ABHD2: variants seen among roughly 807,000 people sequenced by gnomAD.
ABHD2 encodes abhydrolase domain containing 2, acylglycerol lipase.
Under a neutral mutation model 48.1 loss-of-function variants are expected in ABHD2, and 20 were observed. That is an observed-to-expected ratio of 0.42 (90% CI 0.29 to 0.60). ABHD2 has a LOEUF of 0.60. Ranked by LOEUF, ABHD2 falls within the 20% of genes least tolerant of loss-of-function variation. ABHD2 has a pLI of 0.24. For synonymous variants in ABHD2, 209 were observed against 214.2 expected (o/e 0.98, Z 0.21); for missense variants, 405 against 550.9 (o/e 0.74, Z 2.65).
At chr15:89,128,828 A>G (rs2050175904) in intron 3 of ABHD2, among the ~76,000 whole-genome samples, 2 of 152,034 alleles carry the variant, frequency 1.3e-5, no homozygotes, top group Admixed American at 1.3e-4. Flanking sequence ...AGGAGTCTCT[A>G]ATTCCCAGAG....
Position 89,155,564 on chromosome 15 carries a change from T to C in ABHD2, c.538+30T>C, listed in dbSNP as rs1321864127. ...GCATGGCTAAGTGGAGTCCTCCCTT[T>C]TTCTGCAAGTGTGCTACTACTTCTG... On this transcript the variant is annotated intron_variant, in intron 5 of 10. Transcript: ENST00000352732. This position sits in a 1 kb window ranked among gnomAD's most constrained non-coding sequence, Gnocchi z 4.9. The C allele has an allele frequency of 4.4e-6, 7 of 1,592,314 alleles. No homozygotes were observed. Among genetic ancestry groups the C allele is most frequent in the Non-Finnish European group, 6.0e-6 (7 of 1,164,956 alleles).
rs887149056 is a variant in ABHD2 at position 89,175,876 on chromosome 15, G to A, written c.603G>A (p.Leu201=). ...YIKKTYPLTQ[L]VVVGFSLGGN... ...AGAAGACATATCCCCTGACCCAGCT[G>A]GTCGTCGTGGGCTTCAGCCTGGGTG... Residue 201 remains leucine, a synonymous_variant, in exon 6 of 11, where the codon CTG becomes CTA. Transcript: ENST00000352732. The surrounding 1 kb of genome is among the most constrained non-coding windows in gnomAD (Gnocchi z 5.7). The A allele has an allele frequency of 1.2e-6, 2 of 1,613,950 alleles. No homozygotes were observed. The highest frequency in any genetic ancestry group is 1.7e-6 in the Non-Finnish European group (2 of 1,180,014).
the ABHD2 span, among the ~76,000 whole-genome samples, chr15:89,054,641 C>A: frequency 1.3e-5 from 2 of 151,646 alleles, no homozygotes; most frequent in Non-Finnish European, 2.9e-5. Flanking sequence ...GGTTGTGCCA[C>A]TGTACTCTAG....
chr15:89,064,426 C>T, the ABHD2 span, among the ~76,000 whole-genome samples: 9 of 152,054 alleles, frequency 5.9e-5, no homozygotes, highest in South Asian at 1.9e-3. Context: ...GACGGGGTTT[C>T]ACCGTGTTAG....
chr15:89,141,316 C>T lies in ABHD2; in HGVS notation c.195-10361C>T, dbSNP rs370227239. Among the ~76,000 whole-genome samples, 13 of 152,170 alleles carry T rather than the reference C, an allele frequency of 8.5e-5. No individual in the cohort carries two copies. The East Asian group carries it at 1.7e-3, about 20-fold the overall frequency. On this transcript the variant is annotated intron_variant, in intron 3 of 10. Coordinates refer to ENST00000352732, the MANE Select transcript of ABHD2 (RefSeq NM_152924.5). Reference sequence around the variant, plus strand: ...GCCTTTTAACTTGAGAACCAAGCTGCGGGCGACATGTGACCCCACTATAAA... The same window carrying T: ...GCCTTTTAACTTGAGAACCAAGCTGTGGGCGACATGTGACCCCACTATAAA...
chr15:89,072,804 G>C, the ABHD2 span, among the ~76,000 whole-genome samples: 1 of 152,040 alleles, frequency 6.6e-6, no homozygotes, highest in Non-Finnish European at 1.5e-5. Flanking sequence ...GCTTCTCCTT[G>C]GAACTTCAGT....
chr15:89,066,064 A>G, the ABHD2 span, among the ~76,000 whole-genome samples: 2 of 152,166 alleles, frequency 1.3e-5, no homozygotes, highest in Non-Finnish European at 2.9e-5. Flanking sequence ...CATCACTAAA[A>G]TGTTTGTGTT....
intron 5 of ABHD2, among the ~76,000 whole-genome samples, chr15:89,159,940 T>A (rs2050736999): frequency 6.6e-6 from 1 of 152,222 alleles, no homozygotes; most frequent in South Asian, 2.1e-4. Flanking sequence ...GTTTTACTTG[T>A]TAATAATTTC....
Position 89,155,772 on chromosome 15 carries a change from G to A in ABHD2, c.538+238G>A, listed in dbSNP as rs2050663360. 6.6e-6 allele frequency among the ~76,000 whole-genome samples: 1 copy of A among 152,184 alleles called. No homozygotes were observed. Among genetic ancestry groups the A allele is most frequent in the South Asian group, 2.1e-4 (1 of 4,830 alleles). On this transcript the variant is annotated intron_variant, in intron 5 of 10. Transcript: ENST00000352732. This position sits in a 1 kb window ranked among gnomAD's most constrained non-coding sequence, Gnocchi z 4.9. ...GAGGCAGAAACTGAAGCTTACAGGG[G>A]AAAGTCTTGCCCAAGGTCCCCTAGC...
At chr15:89,125,299 G>C in intron 3 of ABHD2, among the ~76,000 whole-genome samples, 1 of 151,782 alleles carries the variant, frequency 6.6e-6, no homozygotes, top group African/African-American at 2.4e-5. Flanking sequence ...GGATATTTCT[G>C]GTAAACTATT....
At position 89,102,906 on chromosome 15, in the gene ABHD2, G is replaced by GCTTT. The variant is rs1321813530; in HGVS notation, c.-106-10818_-106-10815dup. On this transcript the variant is annotated intron_variant, in intron 1 of 10. Coordinates refer to ENST00000352732, the MANE Select transcript of ABHD2 (RefSeq NM_152924.5). This position sits in a 1 kb window ranked among gnomAD's most constrained non-coding sequence, Gnocchi z 4.8. The stretch of plus-strand genomic sequence containing the variant: ...GGGTGGCAGGTGGGATTGCCCTTGG[G>GCTTT]CTTTAAAGAAGGCTGAGAAAACTTA... 6.6e-6 allele frequency among the ~76,000 whole-genome samples: 1 copy of GCTTT among 152,370 alleles called. No individual in the cohort carries two copies. The highest frequency in any genetic ancestry group is 1.9e-4 in the East Asian group (1 of 5,188).
In ABHD2 at chr15:89,201,759, A is replaced by AGGATCTGCT; in HGVS notation, c.*6337_*6345dup. On this transcript the variant is annotated 3_prime_UTR_variant, in exon 11 of 11. Coordinates refer to ENST00000352732, the MANE Select transcript of ABHD2 (RefSeq NM_152924.5). Reference sequence around the variant, plus strand: ...GAGGTCTATGGGCGGGTCGAGGACCAGGATCTGCTCGTGCTTCGCCGTGGC... The same window carrying AGGATCTGCT: ...GAGGTCTATGGGCGGGTCGAGGACCAGGATCTGCTGGATCTGCTCGTGCTTCGCCGTGGC... 1 of 1,540,420 alleles carries AGGATCTGCT rather than the reference A, an allele frequency of 6.5e-7. No homozygotes were observed. The highest frequency in any genetic ancestry group is 9.0e-7 in the Non-Finnish European group (1 of 1,114,038).
Position 89,176,763 on chromosome 15 carries a change from G to GTCC in ABHD2, c.722+769_722+770insCCT, listed in dbSNP as rs749472726. Reference sequence around the variant, plus strand: ...TTCTGTACTCTTCATGGTGTCTTTCGTTTTACCAATGAGTATAACCAGTTA... The same window carrying GTCC: ...TTCTGTACTCTTCATGGTGTCTTTCGTCCTTTTACCAATGAGTATAACCAGTTA... On this transcript the variant is annotated intron_variant, in intron 6 of 10. Coordinates refer to ENST00000352732, the MANE Select transcript of ABHD2 (RefSeq NM_152924.5). This position sits in a 1 kb window ranked among gnomAD's most constrained non-coding sequence, Gnocchi z 4.5. Among the ~76,000 whole-genome samples, 3 of 151,948 alleles carry GTCC rather than the reference G, an allele frequency of 2.0e-5. No individual in the cohort carries two copies. Among genetic ancestry groups the GTCC allele is most frequent in the Non-Finnish European group, 4.4e-5 (3 of 68,000 alleles).
rs1262433790 is a variant in ABHD2 at position 89,198,894 on chromosome 15, T to C, written c.*3471T>C. ...TTGTCCAAAGCCCTGTGTCTTTGAC[T>C]GGCTTCTCTTCAGAGTCCCCGTTGT... On this transcript the variant is annotated 3_prime_UTR_variant, in exon 11 of 11. Coordinates refer to ENST00000352732, the MANE Select transcript of ABHD2 (RefSeq NM_152924.5). The surrounding 1 kb of genome is among the most constrained non-coding windows in gnomAD (Gnocchi z 5.1). The C allele has an allele frequency of 6.6e-6, 1 of 152,234 alleles. No individual in the cohort carries two copies. Among genetic ancestry groups the C allele is most frequent in the African/African-American group, 2.4e-5 (1 of 41,454 alleles). 9.4% of individuals were successfully genotyped at this position (152,234 alleles called of 1,614,324 possible).
rs2051406580 is a variant in ABHD2 at position 89,196,566 on chromosome 15, T to G, written c.*1143T>G. The stretch of plus-strand genomic sequence containing the variant: ...AAGCATGTAGATATCATCGTTTGCC[T>G]TTTGTGTGTGTGTGTCCCTTATTTG... On this transcript the variant is annotated 3_prime_UTR_variant, in exon 11 of 11. Coordinates refer to ENST00000352732, the MANE Select transcript of ABHD2 (RefSeq NM_152924.5). 6.6e-6 allele frequency: 1 copy of G among 152,178 alleles called. No homozygotes were observed. Among genetic ancestry groups the G allele is most frequent in the Non-Finnish European group, 1.5e-5 (1 of 68,020 alleles). 9.4% of individuals were successfully genotyped at this position (152,178 alleles called of 1,614,324 possible).
rs59711928 is a variant in ABHD2, at chr15:89,092,740, G to C, written c.-107+4177G>C. Among the ~76,000 whole-genome samples the C allele has an allele frequency of 2.0e-3, 307 of 152,314 alleles. 1 individual carries two copies. The highest frequency in any genetic ancestry group is 7.0e-3 in the African/African-American group (292 of 41,568). ...CTTTTTGCAGAAATGGTAGCACACT[G>C]CATACATGCTATTTGGAACCTTGCC... On this transcript the variant is annotated intron_variant, in intron 1 of 10. Transcript: ENST00000352732. The surrounding 1 kb of genome is among the most constrained non-coding windows in gnomAD (Gnocchi z 4.4).
the ABHD2 span, among the ~76,000 whole-genome samples, chr15:89,052,774 A>C: frequency 6.6e-6 from 1 of 152,106 alleles, no homozygotes; most frequent in Non-Finnish European, 1.5e-5. Flanking sequence ...GAACTGTGAA[A>C]CAACACATTT....
intron 6 of ABHD2, among the ~76,000 whole-genome samples, chr15:89,178,332 C>A (rs546907956): frequency 1.3e-5 from 2 of 152,210 alleles, no homozygotes; most frequent in Non-Finnish European, 2.9e-5. Context: ...ACCAGTATAA[C>A]CTTTTTTTTT....
rs1013744098 is a variant in ABHD2 at position 89,164,465 on chromosome 15, C to T, written c.538+8931C>T. On this transcript the variant is annotated intron_variant, in intron 5 of 10. Coordinates refer to ENST00000352732, the MANE Select transcript of ABHD2 (RefSeq NM_152924.5). The surrounding 1 kb of genome is among the most constrained non-coding windows in gnomAD (Gnocchi z 5.0). ...ACAGCTGAAGGTTTGACTGCCTGGT[C>T]GAGAAAGCTGAGAAAGACTGTTAAG... 1.6e-5 allele frequency among the ~76,000 whole-genome samples: 2 copies of T among 127,286 alleles called. No homozygotes were observed. Among genetic ancestry groups the T allele is most frequent in the Admixed American group, 9.1e-5 (1 of 11,044 alleles). The allele number at this position is 127,286 out of a possible 152,430, so 83.5% of individuals were successfully genotyped here.
Sources: allele counts gnomAD v4.1 joint callset (sites outside exome capture counted in the v4.1 genomes callset), GRCh38; gene constraint gnomAD v4.1.1; non-coding constraint Gnocchi (gnomAD v3.1); transcripts MANE v1.5; gene names NCBI Gene and HGNC (gene_info 2026-07-23, HGNC 2026-07-21).